ENOX2: variants seen among roughly 807,000 people sequenced by gnomAD.
The protein encoded by ENOX2 is ecto-NOX disulfide-thiol exchanger 2, also known as APK1 antigen.
ENOX2 carries 36 observed loss-of-function variants against 45.0 expected under a neutral mutation model. That is an observed-to-expected ratio of 0.80 (90% confidence interval 0.61 to 1.06). The LOEUF is 1.06. Among genes scored for constraint, ENOX2 ranks in the 50% least tolerant of loss-of-function variants. ENOX2 has a pLI of 0.00. For synonymous variants in ENOX2, 174 were observed against 152.3 expected (o/e 1.14, Z -1.05); for missense variants, 423 against 462.5 (o/e 0.91, Z 0.78).
chrX:130,731,359 T>C (rs1246005769), intron 3 of ENOX2, among the ~76,000 whole-genome samples: 1 of 112,184 alleles, frequency 8.9e-6, no homozygotes, highest in Non-Finnish European at 1.9e-5. Context: ...TTATTCTCTT[T>C]TGCTAGTTTT....
chrX:130,672,000 C>A (rs2037003006), intron 6 of ENOX2, among the ~76,000 whole-genome samples: 1 of 110,626 alleles, frequency 9.0e-6, no homozygotes, highest in Non-Finnish European at 1.9e-5. Context: ...CCAAACAGAC[C>A]CAGAAGTGAT....
intron 14 of ENOX2, among the ~76,000 whole-genome samples, chrX:130,627,231 A>G (rs754276565): frequency 1.8e-5 from 2 of 110,807 alleles, no homozygotes; most frequent in African/African-American, 6.6e-5. Context: ...AGGTGGATGG[A>G]ATAAGACTTC....
intron 2 of ENOX2, among the ~76,000 whole-genome samples, chrX:130,784,388 C>G (rs1158961769): frequency 9.0e-6 from 1 of 111,116 alleles, no homozygotes; most frequent in Non-Finnish European, 1.9e-5. Flanking sequence ...CAATCAGGGG[C>G]AAGCAGAGAC....
chrX:130,817,493 G>A (rs1372936509), intron 2 of ENOX2, among the ~76,000 whole-genome samples: 1 of 111,898 alleles, frequency 8.9e-6, no homozygotes, highest in Non-Finnish European at 1.9e-5. Context: ...CAATATCCCT[G>A]ATGAACATTG....
At chrX:130,726,284 G>GC (rs2038603245) in intron 3 of ENOX2, among the ~76,000 whole-genome samples, 1 of 112,056 alleles carries the variant, frequency 8.9e-6, no homozygotes, top group African/African-American at 3.2e-5. Context: ...TTTCCCTTAT[G>GC]AGATTTCCTT....
chrX:130,805,709 G>C (rs2077287620), intron 2 of ENOX2, among the ~76,000 whole-genome samples: 2 of 111,192 alleles, frequency 1.8e-5, no homozygotes, highest in Non-Finnish European at 3.8e-5. Flanking sequence ...GTATCAACTC[G>C]ATCTCTTTCT....
chrX:130,861,160 C>T (rs1266717192), intron 2 of ENOX2, among the ~76,000 whole-genome samples: 2 of 111,720 alleles, frequency 1.8e-5, no homozygotes, highest in African/African-American at 3.3e-5. Context: ...AACTCTTGTA[C>T]ACTGTTAGTG....
chrX:130,766,157 T>G (rs1450458113), intron 3 of ENOX2, among the ~76,000 whole-genome samples: 1 of 111,553 alleles, frequency 9.0e-6, no homozygotes, highest in Non-Finnish European at 1.9e-5. Flanking sequence ...ACCAACTGGG[T>G]ATAAAAGATA....
chrX:130,625,922 T>TTCA (rs776625477), intron 14 of ENOX2, among the ~76,000 whole-genome samples: 164 of 104,266 alleles, frequency 1.6e-3, no homozygotes, highest in African/African-American at 5.0e-3. Context: ...TCTCTCTCTT[T>TTCA]CACACACACA....
chrX:130,834,203 T>A (rs998977558), intron 2 of ENOX2, among the ~76,000 whole-genome samples: 1 of 111,498 alleles, frequency 9.0e-6, no homozygotes, highest in African/African-American at 3.3e-5. Context: ...CTCCTAGACA[T>A]AACCTTTATA....
intron 8 of ENOX2, among the ~76,000 whole-genome samples, chrX:130,666,464 T>G (rs1056677734): frequency 1.8e-5 from 2 of 111,803 alleles, no homozygotes; most frequent in African/African-American, 6.5e-5. Flanking sequence ...GAGGGGAAGC[T>G]TAGACATGAC....
At chrX:130,828,916 T>C (rs150998617) in intron 2 of ENOX2, among the ~76,000 whole-genome samples, 2,279 of 111,654 alleles carry the variant, frequency 0.02, 25 homozygotes, top group Non-Finnish European at 0.03. Context: ...AGCCTTATGA[T>C]TGTCTCTGGT....
At chrX:130,868,187 T>C (rs1318593224) in intron 2 of ENOX2, among the ~76,000 whole-genome samples, 1 of 111,559 alleles carries the variant, frequency 9.0e-6, no homozygotes, top group Non-Finnish European at 1.9e-5. Flanking sequence ...CTCCTAGGTA[T>C]ATTCTTAAGA....
At chrX:130,635,444 C>T (rs1468259078) in intron 11 of ENOX2, among the ~76,000 whole-genome samples, 1 of 112,050 alleles carries the variant, frequency 8.9e-6, no homozygotes, top group Non-Finnish European at 1.9e-5. Context: ...TGTTGTAAAG[C>T]ATTCTTGCAA....
In ENOX2 at chrX:130,669,950, G is replaced by A. The variant is rs1323435072; in HGVS notation, c.694+15C>T. On this transcript the variant is annotated intron_variant, in intron 7 of 14. Coordinates refer to ENST00000394363, the MANE Select transcript of ENOX2 (RefSeq NM_006375.4). ...AAGAGTTCTTTTAATCATGAAGCTT[G>A]AGTGCCTTTGATACCTTTTAATTTT... 9.1e-7 allele frequency: 1 copy of A among 1,094,931 alleles called. No homozygotes were observed. Among genetic ancestry groups the A allele is most frequent in the Admixed American group, 2.2e-5 (1 of 45,929 alleles). The allele number at this position is 1,094,931 out of a possible 1,213,427, so 90.2% of individuals were successfully genotyped here.
At chrX:130,866,049 C>A (rs963527963) in intron 2 of ENOX2, among the ~76,000 whole-genome samples, 5 of 111,689 alleles carry the variant, frequency 4.5e-5, no homozygotes, top group African/African-American at 1.6e-4. Context: ...ACACTTTCAA[C>A]AAACAAGTTA....
rs748394074 is a variant in ENOX2 at position 130,631,543 on chromosome X, G to C, written c.1453C>G (p.Gln485Glu). ...SCASRLCASN[Q>E]DSEYPLEKTM... is the part of the protein sequence containing the mutation. Reference sequence around the variant, plus strand: ...TTCTCAAGAGGGTATTCGCTATCCTGGTTTGAGGCACACAGCCTAGAAGCA... The same window carrying C: ...TTCTCAAGAGGGTATTCGCTATCCTCGTTTGAGGCACACAGCCTAGAAGCA... Residue 485 changes from glutamine (Q) to glutamate (E), a missense_variant, in exon 13 of 15, where the codon CAG becomes GAG. By Grantham distance (29) the Gln-to-Glu change is conservative. Coordinates refer to ENST00000394363, the MANE Select transcript of ENOX2 (RefSeq NM_006375.4). 1 of 1,199,176 alleles carries C rather than the reference G, an allele frequency of 8.3e-7. No homozygotes were observed. Among genetic ancestry groups the C allele is most frequent in the African/African-American group, 1.8e-5 (1 of 56,917 alleles).
chrX:130,863,402 C>T (rs1442379033), intron 2 of ENOX2, among the ~76,000 whole-genome samples: 1 of 112,250 alleles, frequency 8.9e-6, no homozygotes, highest in African/African-American at 3.2e-5. Flanking sequence ...AAATATTATA[C>T]ATATCTTCTC....
At chrX:130,873,931 AAT>A (rs1049571480) in intron 2 of ENOX2, among the ~76,000 whole-genome samples, 4 of 110,765 alleles carry the variant, frequency 3.6e-5, no homozygotes, top group Non-Finnish European at 5.7e-5. Flanking sequence ...CATTAGGAGA[AAT>A]ACCTAATGTA....
Sources: allele counts gnomAD v4.1 joint callset (sites outside exome capture counted in the v4.1 genomes callset), GRCh38; gene constraint gnomAD v4.1.1; transcripts MANE v1.5; gene names NCBI Gene and HGNC (gene_info 2026-07-23, HGNC 2026-07-21).